CSMD1: variants seen among roughly 807,000 people sequenced by gnomAD.
CSMD1 encodes the protein CUB and Sushi multiple domains 1.
Under a neutral mutation model 417.5 loss-of-function variants are expected in CSMD1, and 213 were observed. The ratio of observed to expected loss-of-function variants is 0.51; its 90% CI spans 0.46 to 0.57. The LOEUF (loss-of-function observed/expected upper bound fraction) is 0.57, where lower values mean the gene tolerates loss of function less well. Among genes scored for constraint, CSMD1 ranks in the 20% least tolerant of loss-of-function variants. The probability of loss-of-function intolerance (pLI) is 0.00; values close to 1 mark genes in which losing one functional copy is unlikely to be tolerated. For missense variants in CSMD1, 6,923 were observed against 4,529.7 expected, an observed-to-expected ratio of 1.53 and a Z score of -15.17; for synonymous variants, 2,862 against 1,736.8, an observed-to-expected ratio of 1.65 and a Z score of -16.11.
Position 4,006,903 on chromosome 8 carries a change from C to G in CSMD1, c.611-8793G>C, listed in dbSNP as rs535733624. 7.4e-4 allele frequency among the ~76,000 whole-genome samples: 107 copies of G among 143,880 alleles called. 2 individuals carry two copies. The highest frequency in any genetic ancestry group is 9.9e-4 in the Non-Finnish European group (66 of 66,732). 94.4% of individuals were successfully genotyped at this position (143,880 alleles called of 152,430 possible). On this transcript the variant is annotated intron_variant, in intron 4 of 69. Transcript: ENST00000635120. ...AGTGCAGTGGCGTGATCTCGGCTCA[C>G]TGCAAGCTCCGCCTCCTGGGTTCAA...
chr8:3,627,559 G>T (rs73660396), intron 7 of CSMD1, among the ~76,000 whole-genome samples: 3 of 151,992 alleles, frequency 2.0e-5, no homozygotes, highest in African/African-American at 4.8e-5. Flanking sequence ...TTACTTACAG[G>T]TATCTGTAAA....
intron 5 of CSMD1, among the ~76,000 whole-genome samples, chr8:3,866,623 A>G (rs1046053303): frequency 1.3e-5 from 2 of 151,892 alleles, no homozygotes; most frequent in Non-Finnish European, 2.9e-5. Context: ...CCTCAAACCC[A>G]AAGTCACTAT....
intron 37 of CSMD1, among the ~76,000 whole-genome samples, chr8:3,179,552 AG>A (rs1442732853): frequency 6.6e-6 from 1 of 152,224 alleles, no homozygotes; most frequent in Non-Finnish European, 1.5e-5. Context: ...GCTGAAGCCC[AG>A]GTAAGTGCAT....
chr8:3,544,663 C>T (rs1798585374), intron 10 of CSMD1, among the ~76,000 whole-genome samples: 1 of 152,114 alleles, frequency 6.6e-6, no homozygotes, highest in African/African-American at 2.4e-5. Context: ...GCCACCACTG[C>T]AGACTTGCCT....
At chr8:3,962,379 C>T (rs573659985) in intron 5 of CSMD1, among the ~76,000 whole-genome samples, 4 of 152,266 alleles carry the variant, frequency 2.6e-5, no homozygotes, top group Middle Eastern at 3.4e-3. Flanking sequence ...TCAGGCAGCA[C>T]GGGCGTTGTC....
At chr8:3,531,356 T>G (rs531358676) in intron 10 of CSMD1, among the ~76,000 whole-genome samples, 2 of 152,212 alleles carry the variant, frequency 1.3e-5, no homozygotes, top group Admixed American at 6.5e-5. Context: ...ATCCGACTTA[T>G]GCGGCATTTG....
At chr8:4,654,979 C>G (rs986393564) in intron 1 of CSMD1, among the ~76,000 whole-genome samples, 1 of 142,512 alleles carries the variant, frequency 7.0e-6, no homozygotes, top group Non-Finnish European at 1.5e-5. Flanking sequence ...TAAAAGACAA[C>G]AAATAACTAA....
intron 3 of CSMD1, among the ~76,000 whole-genome samples, chr8:4,358,887 C>G (rs1165372482): frequency 6.6e-6 from 1 of 151,914 alleles, no homozygotes; most frequent in African/African-American, 2.4e-5. Flanking sequence ...CACCATAAAC[C>G]TAAAACTACA....
At chr8:4,252,664 CT>C (rs1803158391) in intron 3 of CSMD1, among the ~76,000 whole-genome samples, 1 of 152,160 alleles carries the variant, frequency 6.6e-6, no homozygotes, top group Non-Finnish European at 1.5e-5. Flanking sequence ...ATGGAACAGG[CT>C]TTTATGTGGA....
At chr8:3,314,176 C>G (rs1389061302) in intron 23 of CSMD1, among the ~76,000 whole-genome samples, 1 of 152,050 alleles carries the variant, frequency 6.6e-6, no homozygotes, top group South Asian at 2.1e-4. Context: ...TGTTAAATGA[C>G]TAGTTAATGG....
intron 12 of CSMD1, among the ~76,000 whole-genome samples, chr8:3,432,811 G>C (rs1233586105): frequency 6.6e-6 from 1 of 152,158 alleles, no homozygotes; most frequent in African/African-American, 2.4e-5. Context: ...ACTACACATG[G>C]CCAACATGGG....
intron 1 of CSMD1, among the ~76,000 whole-genome samples, chr8:4,966,731 G>C (rs534383348): frequency 3.9e-5 from 6 of 152,190 alleles, no homozygotes; most frequent in Non-Finnish European, 7.4e-5. Context: ...AAACTAAAAA[G>C]GACTATAAAA....
At chr8:3,340,037 C>G (rs1229536445) in intron 23 of CSMD1, among the ~76,000 whole-genome samples, 1 of 152,206 alleles carries the variant, frequency 6.6e-6, no homozygotes, top group Admixed American at 6.5e-5. Flanking sequence ...CCCAAAGATA[C>G]TCTGGTTTTT....
At chr8:3,511,555 G>T (rs999492948) in intron 10 of CSMD1, among the ~76,000 whole-genome samples, 1 of 151,446 alleles carries the variant, frequency 6.6e-6, no homozygotes. Flanking sequence ...AGGAATTTGA[G>T]ATCAGCCCGG....
At chr8:3,011,018 G>C (rs983511254) in intron 52 of CSMD1, among the ~76,000 whole-genome samples, 1 of 151,988 alleles carries the variant, frequency 6.6e-6, no homozygotes, top group Non-Finnish European at 1.5e-5. Flanking sequence ...GAGCCACCGC[G>C]CCCTGCCTAT....
chr8:3,440,192 A>G (rs1398366080), intron 12 of CSMD1, among the ~76,000 whole-genome samples: 2 of 152,138 alleles, frequency 1.3e-5, no homozygotes, highest in African/African-American at 4.8e-5. Context: ...TACAAAACAT[A>G]TTTGCTGAGA....
intron 52 of CSMD1, among the ~76,000 whole-genome samples, chr8:3,017,580 A>G (rs1392758946): frequency 1.3e-5 from 2 of 152,202 alleles, no homozygotes; most frequent in South Asian, 2.1e-4. Flanking sequence ...ATTTAAAATA[A>G]GTAGATAATG....
At chr8:4,065,720 T>G (rs1213104724) in intron 3 of CSMD1, among the ~76,000 whole-genome samples, 1 of 152,238 alleles carries the variant, frequency 6.6e-6, no homozygotes, top group Non-Finnish European at 1.5e-5. Context: ...TGCTAGGTTA[T>G]GTAAACATAG....
At chr8:4,248,731 A>G (rs919169790) in intron 3 of CSMD1, among the ~76,000 whole-genome samples, 2 of 152,128 alleles carry the variant, frequency 1.3e-5, no homozygotes, top group Non-Finnish European at 2.9e-5. Flanking sequence ...GGTGATCTCT[A>G]TCAACTGACA....
Sources: allele counts gnomAD v4.1 joint callset (sites outside exome capture counted in the v4.1 genomes callset), GRCh38; gene constraint gnomAD v4.1.1; transcripts MANE v1.5; gene names NCBI Gene and HGNC (gene_info 2026-07-23, HGNC 2026-07-21).